The following USP48 variants were observed in gnomAD, a reference collection of about 807,000 sequenced individuals.
The protein encoded by USP48 is ubiquitin carboxyl-terminal hydrolase 48.
In USP48, 43 loss-of-function variants were observed where a neutral mutation model predicts 150.7. The ratio of observed to expected loss-of-function variants is 0.29; its 90% CI spans 0.22 to 0.37. USP48 has a LOEUF of 0.37. Among genes scored for constraint, USP48 ranks in the 10% least tolerant of loss-of-function variants. The probability of loss-of-function intolerance (pLI) is 1.00; values close to 1 mark genes in which losing one functional copy is unlikely to be tolerated. For missense variants in USP48, 813 were observed against 1,249.6 expected (o/e 0.65, Z 5.27); for synonymous variants, 396 against 425.9 (o/e 0.93, Z 0.86).
intron 11 of USP48, chr1:21,724,322 C>T (rs2097730393): frequency 3.3e-6 from 2 of 604,588 alleles, no homozygotes; most frequent in Admixed American, 5.9e-5. Context: ...CTGCACAGTG[C>T]CCTATGAGAT....
chr1:21,733,602 T>C (rs2097762139), intron 9 of USP48, among the ~76,000 whole-genome samples: 1 of 152,198 alleles, frequency 6.6e-6, no homozygotes, highest in African/African-American at 2.4e-5. Flanking sequence ...TAGTGAGTTA[T>C]GAAAACACTG....
At chr1:21,773,065 T>C (rs1412067117) in intron 1 of USP48, among the ~76,000 whole-genome samples, 1 of 151,388 alleles carries the variant, frequency 6.6e-6, no homozygotes, top group Non-Finnish European at 1.5e-5. Flanking sequence ...AAGACCAGCC[T>C]GGCCAACATA....
chr1:21,777,482 T>C (rs767159986), intron 1 of USP48, among the ~76,000 whole-genome samples: 5 of 151,904 alleles, frequency 3.3e-5, no homozygotes, highest in Admixed American at 6.6e-5. Flanking sequence ...CTGGGTAACA[T>C]AGTAAGACCC....
At chr1:21,727,612 T>C (rs1428344268) in intron 11 of USP48, among the ~76,000 whole-genome samples, 1 of 152,216 alleles carries the variant, frequency 6.6e-6, no homozygotes, top group Non-Finnish European at 1.5e-5. Context: ...AATTTAGAGA[T>C]CTGAATCATG....
At chr1:21,767,629 T>A (rs2097865400) in intron 1 of USP48, among the ~76,000 whole-genome samples, 1 of 151,752 alleles carries the variant, frequency 6.6e-6, no homozygotes, top group East Asian at 1.9e-4. Flanking sequence ...CGGCCAGGAC[T>A]TTTTAGAGAG....
chr1:21,742,662 G>A (rs2097784955), intron 8 of USP48, among the ~76,000 whole-genome samples: 1 of 152,202 alleles, frequency 6.6e-6, no homozygotes, highest in South Asian at 2.1e-4. Context: ...GGAGGGAGAT[G>A]TGATGGTCTT....
chr1:21,776,855 G>C (rs181992091), intron 1 of USP48, among the ~76,000 whole-genome samples: 36 of 152,172 alleles, frequency 2.4e-4, no homozygotes, highest in Non-Finnish European at 4.7e-4. Flanking sequence ...GCTGAGGTAG[G>C]AGAACTGCTT....
intron 23 of USP48, among the ~76,000 whole-genome samples, chr1:21,694,620 A>G (rs1305627036): frequency 7.1e-6 from 1 of 140,148 alleles, no homozygotes; most frequent in African/African-American, 2.6e-5. Flanking sequence ...CCCTCTATCT[A>G]TCAAATAGAT....
rs571514707 is a variant in USP48, at chr1:21,697,102, T to C, written c.2728-1881A>G. Among the ~76,000 whole-genome samples the C allele has an allele frequency of 2.7e-4, 41 of 152,208 alleles. No homozygotes were observed. In the South Asian group the frequency reaches 3.7e-3, roughly 14 times the overall value. ...AAGCAAAGTGGTTTAACGGTCATTA[T>C]AGACACAGATGCCACATACTCATTA... On this transcript the variant is annotated intron_variant, in intron 22 of 26. Transcript: ENST00000308271.
chr1:21,779,494 C>T (rs577459385), intron 1 of USP48, among the ~76,000 whole-genome samples: 6 of 151,684 alleles, frequency 4.0e-5, no homozygotes, highest in South Asian at 4.2e-4. Flanking sequence ...TGCAGTGAGC[C>T]GAGATGGCGC....
intron 2 of USP48, 166 bp from the exon 3 acceptor site, chr1:21,756,868 T>C (rs764932645): frequency 2.5e-5 from 25 of 985,398 alleles, no homozygotes; most frequent in Non-Finnish European, 2.8e-5. Context: ...ATAATTTTCA[T>C]GAAAGCCCCA....
chr1:21,758,848 C>T (rs1477450720), intron 1 of USP48, among the ~76,000 whole-genome samples: 2 of 152,042 alleles, frequency 1.3e-5, no homozygotes, highest in African/African-American at 4.8e-5. Flanking sequence ...GACTGTTTCT[C>T]ACACTACTTC....
chr1:21,741,859 A>G (rs1281076106), intron 8 of USP48, among the ~76,000 whole-genome samples: 1 of 152,118 alleles, frequency 6.6e-6, no homozygotes, highest in African/African-American at 2.4e-5. Context: ...CTGTGGTCCC[A>G]GCTACTCAGG....
intron 1 of USP48, among the ~76,000 whole-genome samples, chr1:21,770,481 C>CTTTTT (rs548583450): frequency 5.2e-5 from 6 of 115,852 alleles, no homozygotes; most frequent in African/African-American, 2.0e-4. Context: ...AATCAAGTGT[C>CTTTTT]TTTTTTTTTT....
intron 26 of USP48, among the ~76,000 whole-genome samples, chr1:21,679,702 C>T (rs2097560212): frequency 6.6e-6 from 1 of 152,154 alleles, no homozygotes; most frequent in African/African-American, 2.4e-5. Flanking sequence ...CATTTAATGA[C>T]CATTCTTCTT....
intron 1 of USP48, 131 bp from the exon 2 acceptor site, chr1:21,757,914 G>A (rs2097840893): frequency 1.7e-6 from 2 of 1,156,396 alleles, no homozygotes; most frequent in African/African-American, 1.6e-5. Context: ...AAGACACTCA[G>A]TTTGTGAGGG....
In USP48 at chr1:21,725,635, A is replaced by C. The variant is rs376870761; in HGVS notation, c.1451-1540T>G. 2.2e-3 allele frequency among the ~76,000 whole-genome samples: 331 copies of C among 148,692 alleles called. 2 individuals carry two copies. Among genetic ancestry groups the C allele is most frequent in the African/African-American group, 7.2e-3 (286 of 39,574 alleles). ...GGGCATGGCGGCACACGACTGTAAT[A>C]CCAGCTATTCGGGAGGCTGAGGCAG... On this transcript the variant is annotated intron_variant, in intron 11 of 26. Transcript: ENST00000308271.
chr1:21,774,990 AAAATAAATAAATAAATAAATAAATAAAT>A (rs147019343), intron 1 of USP48, among the ~76,000 whole-genome samples: 1 of 146,046 alleles, frequency 6.8e-6, no homozygotes, highest in African/African-American at 2.5e-5. Context: ...GACTCTCTCA[AAAATAAATAAATAAATAAATAAATAAAT>A]AAATAAATAA....
chr1:21,783,135 CGCACGACCG>C lies in USP48; in HGVS notation c.-187_-179del. Reference sequence around the variant, plus strand: ...CCGCCGCGCCCGCCCGCGCCCGACCCGCACGACCGGCCGCAAAGCGCCGCCGTCGACACC... The same window carrying C: ...CCGCCGCGCCCGCCCGCGCCCGACCCGCCGCAAAGCGCCGCCGTCGACACC... On this transcript the variant is annotated 5_prime_UTR_variant, in exon 1 of 27. Transcript: ENST00000308271. The C allele has an allele frequency of 1.0e-6, 1 of 991,400 alleles. No individual in the cohort carries two copies. The highest frequency in any genetic ancestry group is 1.3e-6 in the Non-Finnish European group (1 of 744,890). The allele number at this position is 991,400 out of a possible 1,614,324, so 61.4% of individuals were successfully genotyped here. A position where few individuals can be genotyped will look rare whatever the true frequency, so the allele number is the denominator to read the frequency against.
Sources: gnomAD v4.1 joint callset for allele counts (sites outside exome capture counted in the v4.1 genomes callset) on GRCh38, gnomAD v4.1.1 for gene constraint, MANE v1.5 for transcripts, NCBI Gene and HGNC (gene_info 2026-07-23, HGNC 2026-07-21) for gene names.